ZNF536: variants seen among roughly 807,000 people sequenced by gnomAD.
ZNF536 encodes zinc finger protein 536.
ZNF536 carries 13 observed loss-of-function variants against 84.5 expected under a neutral mutation model. The observed-to-expected ratio is 0.15, with a 90% confidence interval of 0.10 to 0.24. ZNF536 has a LOEUF of 0.24. Ranked by LOEUF, ZNF536 falls within the 10% of genes least tolerant of loss-of-function variation. The pLI is 1.00. For synonymous variants in ZNF536, 811 were observed against 742.5 expected (o/e 1.09, Z -1.50); for missense variants, 1,536 against 1,747.5 (o/e 0.88, Z 2.16).
At chr19:30,604,850 G>A (rs1454640006) in intron 1 of ZNF536, among the ~76,000 whole-genome samples, 4 of 152,264 alleles carry the variant, frequency 2.6e-5, no homozygotes, top group Non-Finnish European at 5.9e-5. Flanking sequence ...GGAAGCCCTG[G>A]CCCTGAAATC....
chr19:30,699,858 C>T (rs2051823936), intron 1 of ZNF536, among the ~76,000 whole-genome samples: 1 of 152,186 alleles, frequency 6.6e-6, no homozygotes, highest in Non-Finnish European at 1.5e-5. Flanking sequence ...ACCAGCCAAG[C>T]ACCCTGCAGG....
intron 1 of ZNF536, among the ~76,000 whole-genome samples, chr19:30,416,943 T>C (rs2050756819): frequency 6.6e-6 from 1 of 152,092 alleles, no homozygotes; most frequent in African/African-American, 2.4e-5. Context: ...TTCTTTGGCC[T>C]ATGTCTATTG....
At chr19:30,480,552 G>T (rs980626828) in intron 2 of ZNF536, among the ~76,000 whole-genome samples, 3 of 152,112 alleles carry the variant, frequency 2.0e-5, no homozygotes, top group East Asian at 3.9e-4. Context: ...CTGTCGTGGG[G>T]TAGGGGGCAA....
intron 1 of ZNF536, among the ~76,000 whole-genome samples, chr19:30,614,713 A>C (rs1016016400): frequency 6.6e-6 from 1 of 151,146 alleles, no homozygotes; most frequent in Non-Finnish European, 1.5e-5. Flanking sequence ...TTTCTCACCA[A>C]TTTGCAAGAG....
At chr19:30,643,660 G>T (rs533245337) in intron 1 of ZNF536, among the ~76,000 whole-genome samples, 10 of 151,456 alleles carry the variant, frequency 6.6e-5, no homozygotes, top group East Asian at 5.8e-4. Context: ...ATTTCTGCAG[G>T]GGGGGGTTTT....
chr19:30,394,659 T>A (rs2049738964), intron 1 of ZNF536, among the ~76,000 whole-genome samples: 1 of 152,220 alleles, frequency 6.6e-6, no homozygotes, highest in South Asian at 2.1e-4. Context: ...TTGCCCCACC[T>A]GTAAATAGTA....
At chr19:30,391,660 A>G (rs1222451760) in intron 1 of ZNF536, among the ~76,000 whole-genome samples, 1 of 152,176 alleles carries the variant, frequency 6.6e-6, no homozygotes, top group African/African-American at 2.4e-5. Flanking sequence ...AAAGAATGAT[A>G]AAGTCCAGGA....
At chr19:30,479,772 C>T (rs547333113) in intron 2 of ZNF536, among the ~76,000 whole-genome samples, 2 of 152,384 alleles carry the variant, frequency 1.3e-5, no homozygotes, top group East Asian at 3.9e-4. Context: ...TTCCTTGTGA[C>T]CTCAGCACTT....
At chr19:30,252,317 T>C (rs2024658064) in intron 1 of ZNF536, among the ~76,000 whole-genome samples, 1 of 152,218 alleles carries the variant, frequency 6.6e-6, no homozygotes, top group African/African-American at 2.4e-5. Flanking sequence ...CTATTCTCCA[T>C]AGGGAATACT....
intron 1 of ZNF536, among the ~76,000 whole-genome samples, chr19:30,689,969 G>A (rs1031261305): frequency 4.6e-5 from 7 of 152,182 alleles, no homozygotes; most frequent in African/African-American, 1.4e-4. Flanking sequence ...ACATCTGGTT[G>A]TTTGAATGCC....
intron 1 of ZNF536, among the ~76,000 whole-genome samples, chr19:30,580,473 G>A (rs1039385742): frequency 6.6e-6 from 1 of 152,146 alleles, no homozygotes; most frequent in Admixed American, 6.5e-5. Flanking sequence ...GATTAGTGAG[G>A]CACACCTCCA....
intron 1 of ZNF536, among the ~76,000 whole-genome samples, chr19:30,635,931 C>A (rs1284985018): frequency 6.6e-6 from 1 of 152,220 alleles, no homozygotes. Context: ...GCAGGCTCTC[C>A]CCGGGTACTC....
At chr19:30,555,210 A>T (rs919208788) in intron 4 of ZNF536, 2 of 152,222 alleles carry the variant, frequency 1.3e-5, no homozygotes, top group Non-Finnish European at 2.9e-5. Flanking sequence ...CACTGATGGA[A>T]GGAAGCGTAG....
chr19:30,667,239 G>A (rs1013007854), intron 1 of ZNF536, among the ~76,000 whole-genome samples: 1 of 152,204 alleles, frequency 6.6e-6, no homozygotes, highest in African/African-American at 2.4e-5. Flanking sequence ...GCCTGAACAG[G>A]TGTAATTATC....
chr19:30,686,307 GT>G lies in ZNF536; in HGVS notation c.170-24443del, dbSNP rs1178621924. 7.9e-5 allele frequency among the ~76,000 whole-genome samples: 12 copies of G among 151,568 alleles called. No individual in the cohort carries two copies. In the East Asian group the frequency reaches 2.1e-3, roughly 27 times the overall value. ...TTTTCTTTTGCAAAGGGCCAACTCT[GT>G]TTTTTTCCTGAAGGTGGCAGTGAAA... On this transcript the variant is annotated intron_variant, in intron 1 of 1. Coordinates refer to the ZNF536 transcript ENST00000592773.
intron 2 of ZNF536, among the ~76,000 whole-genome samples, chr19:30,448,018 A>G (rs1936010568): frequency 6.6e-6 from 1 of 152,198 alleles, no homozygotes; most frequent in Non-Finnish European, 1.5e-5. Flanking sequence ...CTTGGTTGAA[A>G]AAACCCATTT....
In ZNF536 at chr19:30,641,272, T is replaced by C. The variant is rs1315194126; in HGVS notation, c.170-69485T>C. On this transcript the variant is annotated intron_variant, in intron 1 of 1. Coordinates refer to the ZNF536 transcript ENST00000592773. The stretch of plus-strand genomic sequence containing the variant: ...GAAAGAAAAGCAAATTCTATTTTTT[T>C]CTGTTCTGATTATTTAAAAAATAGA... 2.0e-5 allele frequency among the ~76,000 whole-genome samples: 3 copies of C among 152,216 alleles called. No homozygotes were observed. The East Asian group carries it at 5.8e-4, about 29-fold the overall frequency.
chr19:30,457,873 A>T (rs2052928936), intron 2 of ZNF536, among the ~76,000 whole-genome samples: 1 of 152,174 alleles, frequency 6.6e-6, no homozygotes, highest in South Asian at 2.1e-4. Context: ...CACCCCCAGT[A>T]TGTCAGAACG....
intron 1 of ZNF536, among the ~76,000 whole-genome samples, chr19:30,566,309 A>G (rs1328497499): frequency 1.3e-5 from 2 of 152,192 alleles, no homozygotes; most frequent in Non-Finnish European, 1.5e-5. Context: ...TCCATGCCCA[A>G]GGAACAGCTC....
Sources: gnomAD v4.1 joint callset for allele counts (sites outside exome capture counted in the v4.1 genomes callset) on GRCh38, gnomAD v4.1.1 for gene constraint, MANE v1.5 for transcripts, NCBI Gene and HGNC (gene_info 2026-07-23, HGNC 2026-07-21) for gene names.